Variants in PIK3C2G observed in about 807,000 individuals in gnomAD.
PIK3C2G encodes phosphatidylinositol 3-kinase C2 domain-containing subunit gamma.
In PIK3C2G, 168 loss-of-function variants were observed where a neutral mutation model predicts 181.1. That is an observed-to-expected ratio of 0.93 (90% CI 0.82 to 1.05). The LOEUF is 1.05. Ranked by LOEUF, PIK3C2G falls within the 50% of genes least tolerant of loss-of-function variation. The pLI is 0.00. For missense variants in PIK3C2G, 1,869 were observed against 1,732.8 expected (o/e 1.08, Z -1.40); for synonymous variants, 573 against 592.2 (o/e 0.97, Z 0.47).
chr12:18,723,547 T>TA, the PIK3C2G span: 427 of 1,606,870 alleles, frequency 2.7e-4, 1 homozygote, highest in Non-Finnish European at 3.2e-4. Context: ...ATTGTCCTAC[T>TA]AAAAAAATGA....
At chr12:18,374,526 G>GA (rs1942301125) in intron 13 of PIK3C2G, among the ~76,000 whole-genome samples, 1 of 152,152 alleles carries the variant, frequency 6.6e-6, no homozygotes. Context: ...TTGGTTACCA[G>GA]GCTACTTAGA....
At chr12:18,389,242 A>C (rs1943379277) in intron 14 of PIK3C2G, among the ~76,000 whole-genome samples, 1 of 152,052 alleles carries the variant, frequency 6.6e-6, no homozygotes, top group Admixed American at 6.6e-5. Flanking sequence ...AGTCCCAGCT[A>C]CTGGGGAGGC....
chr12:18,396,649 A>C (rs777001083), intron 15 of PIK3C2G, among the ~76,000 whole-genome samples: 3 of 151,782 alleles, frequency 2.0e-5, no homozygotes, highest in Non-Finnish European at 4.4e-5. Flanking sequence ...GTAAAAATAT[A>C]TATAAAATAA....
intron 18 of PIK3C2G, among the ~76,000 whole-genome samples, chr12:18,437,411 G>A (rs1018203963): frequency 5.3e-5 from 8 of 151,932 alleles, no homozygotes; most frequent in African/African-American, 1.9e-4. Flanking sequence ...TAGAATTCTT[G>A]TACTTGCTTT....
At chr12:18,694,237 G>C in the PIK3C2G span, 1 of 604,138 alleles carries the variant, frequency 1.7e-6, no homozygotes, top group Non-Finnish European at 3.0e-6. Flanking sequence ...TTTGGAGTAC[G>C]ATGTGTAAGT....
the PIK3C2G span, among the ~76,000 whole-genome samples, chr12:18,662,671 A>C: frequency 1.3e-5 from 2 of 152,260 alleles, no homozygotes; most frequent in East Asian, 3.9e-4. Flanking sequence ...ATCTGGACCC[A>C]CAATGTGGAA....
At chr12:18,296,968 C>G (rs1052104409) in intron 5 of PIK3C2G, among the ~76,000 whole-genome samples, 9 of 152,032 alleles carry the variant, frequency 5.9e-5, no homozygotes, top group African/African-American at 1.9e-4. Context: ...TTCTTTAACT[C>G]CCGGTTTAAT....
intron 24 of PIK3C2G, 43 bp downstream of exon 24, chr12:18,505,504 A>G: frequency 1.4e-6 from 2 of 1,461,558 alleles, no homozygotes; most frequent in Non-Finnish European, 1.9e-6. Flanking sequence ...GCAGTGTCCT[A>G]AGCAATATGT....
chr12:18,483,668 T>A (rs974185786), intron 18 of PIK3C2G, among the ~76,000 whole-genome samples: 1 of 151,794 alleles, frequency 6.6e-6, no homozygotes, highest in Admixed American at 6.6e-5. Flanking sequence ...CCCCAAAATA[T>A]CCTCAGGGAT....
intron 11 of PIK3C2G, among the ~76,000 whole-genome samples, chr12:18,356,727 G>A (rs75586974): frequency 0.014 from 2,117 of 152,130 alleles, 51 homozygotes; most frequent in African/African-American, 0.048. Flanking sequence ...TTCGGCCATC[G>A]CTGGCCGAAA....
chr12:18,274,136 T>TA (rs1350883005), intron 1 of PIK3C2G, among the ~76,000 whole-genome samples: 1 of 152,106 alleles, frequency 6.6e-6, no homozygotes, highest in East Asian at 1.9e-4. Context: ...TGGTGATCAT[T>TA]AAAAAGTCAG....
the PIK3C2G span, among the ~76,000 whole-genome samples, chr12:18,655,280 A>C: frequency 6.6e-6 from 1 of 152,176 alleles, no homozygotes; most frequent in South Asian, 2.1e-4. Flanking sequence ...GGAAAAAAAT[A>C]TTCCCAAAGA....
At chr12:18,567,546 AAT>A (rs1377289425) in intron 29 of PIK3C2G, among the ~76,000 whole-genome samples, 5 of 152,028 alleles carry the variant, frequency 3.3e-5, no homozygotes, top group Admixed American at 1.3e-4. Context: ...TCAATGAAAT[AAT>A]ATGTGATAAA....
In PIK3C2G at chr12:18,474,850, C is replaced by T. The variant is rs185544463; in HGVS notation, c.2505-13599C>T. Among the ~76,000 whole-genome samples the T allele has an allele frequency of 6.6e-5, 10 of 152,100 alleles. No homozygotes were observed. The East Asian group carries it at 1.9e-3, about 29-fold the overall frequency. On this transcript the variant is annotated intron_variant, in intron 18 of 32. Coordinates refer to ENST00000538779, the MANE Select transcript of PIK3C2G (RefSeq NM_001288772.2). ...AATGCCATTTTCTAAGAAATGTGAA[C>T]AGTAACTATTTGTCCTTTTTTCCGA...
the PIK3C2G span, among the ~76,000 whole-genome samples, chr12:18,664,433 A>C: frequency 6.6e-6 from 1 of 152,338 alleles, no homozygotes; most frequent in Admixed American, 6.5e-5. Flanking sequence ...AATATTGTTC[A>C]GCATTGAAAG....
intron 31 of PIK3C2G, among the ~76,000 whole-genome samples, chr12:18,621,616 A>T (rs1948868937): frequency 6.6e-6 from 1 of 151,720 alleles, no homozygotes; most frequent in Non-Finnish European, 1.5e-5. Context: ...ATATAACAAG[A>T]TTATTATACT....
At chr12:18,522,915 T>C (rs571864401) in intron 24 of PIK3C2G, among the ~76,000 whole-genome samples, 107 of 152,216 alleles carry the variant, frequency 7.0e-4, no homozygotes, top group South Asian at 2.3e-3. Flanking sequence ...TCATAAACTT[T>C]CTTCATTCTT....
At chr12:18,268,912 T>G (rs2137040423) in intron 1 of PIK3C2G, among the ~76,000 whole-genome samples, 1 of 152,136 alleles carries the variant, frequency 6.6e-6, no homozygotes, top group Non-Finnish European at 1.5e-5. Context: ...AGTCAAAACT[T>G]AGATTTCTTT....
At chr12:18,610,047 G>T (rs935181177) in intron 31 of PIK3C2G, among the ~76,000 whole-genome samples, 16 of 152,102 alleles carry the variant, frequency 1.1e-4, no homozygotes, top group African/African-American at 3.9e-4. Flanking sequence ...AAAATCTGTA[G>T]TTAGCCTCCA....
Sources: gnomAD v4.1 joint callset for allele counts (sites outside exome capture counted in the v4.1 genomes callset) on GRCh38, gnomAD v4.1.1 for gene constraint, MANE v1.5 for transcripts, NCBI Gene and HGNC (gene_info 2026-07-23, HGNC 2026-07-21) for gene names.